Variants in DHRSX observed in about 807,000 individuals in gnomAD.
The protein encoded by DHRSX is dehydrogenase/reductase X-linked.
In DHRSX, 31 loss-of-function variants were observed where a neutral mutation model predicts 34.0. That is an observed-to-expected ratio of 0.91 (90% CI 0.69 to 1.23). The LOEUF is 1.23. DHRSX is among the 50% of genes most tolerant of loss of function. DHRSX has a pLI of 0.00. For missense variants in DHRSX, 414 were observed against 428.1 expected, an observed-to-expected ratio of 0.97 and a Z score of 0.29; for synonymous variants, 201 against 183.8, an observed-to-expected ratio of 1.09 and a Z score of -0.76.
Position 2,401,283 on chromosome X carries a change from A to G in DHRSX, c.286+7462T>C, listed in dbSNP as rs147850248. ...CCGCCACCATACCTGACTAACATTTATATTTTTAGTAGAGATGGGGTTTCA... is the reference window on the plus strand; with the variant it reads ...CCGCCACCATACCTGACTAACATTTGTATTTTTAGTAGAGATGGGGTTTCA... On this transcript the variant is annotated intron_variant, in intron 3 of 6. Coordinates refer to ENST00000334651, the MANE Select transcript of DHRSX (RefSeq NM_145177.3). Among the ~76,000 whole-genome samples the G allele has an allele frequency of 5.3e-3, 799 of 152,022 alleles. 39 individuals carry two copies. The East Asian group carries it at 0.13, about 24-fold the overall frequency.
rs2015947947 is a variant in DHRSX at position 2,233,614 on chromosome X, T to G, written c.804+9409A>C. On this transcript the variant is annotated intron_variant, in intron 6 of 6. Transcript: ENST00000334651. ...GGAGCTGCAAGCTACAGAAACCATT[T>G]CAACTTCATTCAGTCCAATGAATGT... Among the ~76,000 whole-genome samples, 3 of 152,246 alleles carry G rather than the reference T, an allele frequency of 2.0e-5. No individual in the cohort carries two copies. In the South Asian group the frequency reaches 6.2e-4, roughly 32 times the overall value.
At chrX:2,344,256 C>A (rs1462205995) in intron 3 of DHRSX, among the ~76,000 whole-genome samples, 5 of 152,156 alleles carry the variant, frequency 3.3e-5, no homozygotes, top group Non-Finnish European at 7.3e-5. Context: ...AGCCCATCAT[C>A]ACGGGTCATT....
In DHRSX at chrX:2,419,682, G is replaced by C. The variant is rs1603072048; in HGVS notation, c.217+5515C>G. Among the ~76,000 whole-genome samples, 4 of 151,806 alleles carry C rather than the reference G, an allele frequency of 2.6e-5. No homozygotes were observed. The South Asian group carries it at 8.3e-4, about 32-fold the overall frequency. On this transcript the variant is annotated intron_variant, in intron 2 of 6. Transcript: ENST00000334651. ...TGTCCTTCGTAGGGACATGGATGAA[G>C]CTGGAAACCATCATTCTCAGCAAAC... is the stretch of plus-strand genomic sequence containing the variant.
intron 1 of DHRSX, chrX:2,488,537 T>G: frequency 7.0e-6 from 10 of 1,419,818 alleles, no homozygotes. Flanking sequence ...CAGTGGATGG[T>G]CTCTGAGGTT....
intron 3 of DHRSX, among the ~76,000 whole-genome samples, chrX:2,318,233 G>A (rs1482959066): frequency 1.3e-5 from 2 of 151,236 alleles, no homozygotes; most frequent in South Asian, 2.1e-4. Flanking sequence ...GGTGATGGTG[G>A]TGCATGCCTG....
chrX:2,448,515 G>A (rs77447338), intron 1 of DHRSX, among the ~76,000 whole-genome samples: 1 of 24,306 alleles, frequency 4.1e-5, no homozygotes, highest in South Asian at 1.3e-3. Flanking sequence ...TTAGAGTTAA[G>A]GTTATGTGAA....
chrX:2,301,327 T>C (rs1031974558), intron 3 of DHRSX, among the ~76,000 whole-genome samples: 6 of 152,176 alleles, frequency 3.9e-5, no homozygotes, highest in African/African-American at 1.4e-4. Flanking sequence ...GGCAGGGGAA[T>C]CGCTTGAACC....
intron 1 of DHRSX, among the ~76,000 whole-genome samples, chrX:2,498,885 T>C (rs1053821591): frequency 6.6e-6 from 1 of 152,150 alleles, no homozygotes; most frequent in African/African-American, 2.4e-5. Flanking sequence ...CAAACAAACA[T>C]GCTCTCCTGC....
chrX:2,489,467 G>T (rs781668797), intron 1 of DHRSX: 3 of 1,613,748 alleles, frequency 1.9e-6, no homozygotes, highest in South Asian at 2.2e-5. Context: ...CATGCTGATG[G>T]TGGGGTACCT....
Position 2,489,097 on chromosome X carries a change from G to A in DHRSX, c.109+11720C>T, listed in dbSNP as rs1393757850. 6 of 1,613,644 alleles carry A rather than the reference G, an allele frequency of 3.7e-6. No homozygotes were observed. The South Asian group carries it at 6.6e-5, about 18-fold the overall frequency. ...CGGCCAGCATGTTGTTGATGACGCT[G>A]GCGGGCGGCGGCGTGGATGTCCGCA... is the stretch of plus-strand genomic sequence containing the variant. On this transcript the variant is annotated intron_variant, in intron 1 of 6. Transcript: ENST00000334651.
At chrX:2,268,363 C>T (rs1250043596) in intron 4 of DHRSX, among the ~76,000 whole-genome samples, 3 of 152,210 alleles carry the variant, frequency 2.0e-5, no homozygotes, top group Non-Finnish European at 2.9e-5. Flanking sequence ...GATGTGTATA[C>T]ATAGGCATGT....
intron 1 of DHRSX, among the ~76,000 whole-genome samples, chrX:2,485,885 GAA>G (rs1375840698): frequency 2.0e-5 from 3 of 148,308 alleles, no homozygotes; most frequent in African/African-American, 7.5e-5. Context: ...GGAAGGGAGA[GAA>G]GAAGAGACAA....
intron 1 of DHRSX, among the ~76,000 whole-genome samples, chrX:2,447,803 T>C (rs1447292232): frequency 1.5e-5 from 2 of 129,824 alleles, no homozygotes; most frequent in South Asian, 3.0e-4. Flanking sequence ...TATCATCTCG[T>C]ATGTAGAATC....
At chrX:2,243,486 AT>A (rs2016193378) in intron 5 of DHRSX, among the ~76,000 whole-genome samples, 1 of 151,740 alleles carries the variant, frequency 6.6e-6, no homozygotes, top group Non-Finnish European at 1.5e-5. Flanking sequence ...TTTTTTATTT[AT>A]TTATTTATTT....
At chrX:2,429,271 GAC>G (rs1467449712) in intron 1 of DHRSX, among the ~76,000 whole-genome samples, 1 of 151,980 alleles carries the variant, frequency 6.6e-6, no homozygotes, top group Non-Finnish European at 1.5e-5. Flanking sequence ...TGTAATTACA[GAC>G]ACACAGTATG....
intron 3 of DHRSX, among the ~76,000 whole-genome samples, chrX:2,347,499 G>T (rs1382803795): frequency 6.6e-6 from 1 of 152,198 alleles, no homozygotes; most frequent in Non-Finnish European, 1.5e-5. Context: ...TTCAAGACCA[G>T]CTTGGCCAAT....
At chrX:2,392,748 TA>T (rs1416683625) in intron 3 of DHRSX, among the ~76,000 whole-genome samples, 2 of 88,034 alleles carry the variant, frequency 2.3e-5, no homozygotes, top group Admixed American at 1.5e-4. Flanking sequence ...AAGTATGATA[TA>T]AAAATATATA....
In DHRSX at chrX:2,246,752, A is replaced by AAAGAAAGAAAG. The variant is rs1569479316; in HGVS notation, c.597-3523_597-3522insCTTTCTTTCTT. ...AGAAAGAAAGAAAGAAAGAAAGAAA[A>AAAGAAAGAAAG]AGAAAGAAAATAAAAGAATAGAAAA... On this transcript the variant is annotated intron_variant, in intron 5 of 6. Coordinates refer to ENST00000334651, the MANE Select transcript of DHRSX (RefSeq NM_145177.3). Among the ~76,000 whole-genome samples the AAAGAAAGAAAG allele has an allele frequency of 5.6e-5, 8 of 141,654 alleles. No individual in the cohort carries two copies. In the East Asian group the frequency reaches 1.3e-3, roughly 23 times the overall value. 92.9% of individuals were successfully genotyped at this position (141,654 alleles called of 152,430 possible).
At chrX:2,229,333 G>C (rs762269089) in intron 6 of DHRSX, among the ~76,000 whole-genome samples, 26 of 152,170 alleles carry the variant, frequency 1.7e-4, no homozygotes, top group African/African-American at 6.3e-4. Context: ...AGGCTCAGCT[G>C]CCTTCCTGGA....
Sources: allele counts gnomAD v4.1 joint callset (sites outside exome capture counted in the v4.1 genomes callset), GRCh38; gene constraint gnomAD v4.1.1; transcripts MANE v1.5; gene names NCBI Gene and HGNC (gene_info 2026-07-23, HGNC 2026-07-21).